RBFOX3: variants seen among roughly 807,000 people sequenced by gnomAD.
RBFOX3 encodes RNA binding fox-1 homolog 3.
RBFOX3 carries 17 observed loss-of-function variants against 48.7 expected under a neutral mutation model. The observed-to-expected ratio is 0.35, with a 90% confidence interval of 0.24 to 0.52. The LOEUF is 0.52. Ranked by LOEUF, RBFOX3 falls within the 20% of genes least tolerant of loss-of-function variation. The pLI is 0.94. For missense variants in RBFOX3, 382 were observed against 497.5 expected (o/e 0.77, Z 2.21); for synonymous variants, 212 against 209.5 (o/e 1.01, Z -0.10).
chr17:79,432,984 C>G (rs569723126), intron 2 of RBFOX3, among the ~76,000 whole-genome samples: 1 of 152,156 alleles, frequency 6.6e-6, no homozygotes, highest in Non-Finnish European at 1.5e-5. Flanking sequence ...TCCCCCTACC[C>G]CAGCATTAAT....
chr17:79,620,300 C>T, the RBFOX3 span, among the ~76,000 whole-genome samples: 623 of 151,774 alleles, frequency 4.1e-3, 14 homozygotes, highest in East Asian at 0.056. Flanking sequence ...CACGCACACA[C>T]GCACATGCAC....
At chr17:79,240,559 A>T (rs1284802684) in intron 3 of RBFOX3, among the ~76,000 whole-genome samples, 1 of 152,182 alleles carries the variant, frequency 6.6e-6, no homozygotes, top group Non-Finnish European at 1.5e-5. Flanking sequence ...TACATCATTG[A>T]CCTCACGTCA....
intron 2 of RBFOX3, among the ~76,000 whole-genome samples, chr17:79,462,846 GAC>G (rs2075560009): frequency 6.6e-6 from 1 of 152,160 alleles, no homozygotes; most frequent in Admixed American, 6.5e-5. Context: ...CTCCAGCCCA[GAC>G]ACAGCGGTTA....
chr17:79,218,419 C>A (rs1327540307), intron 4 of RBFOX3, among the ~76,000 whole-genome samples: 1 of 152,204 alleles, frequency 6.6e-6, no homozygotes, highest in East Asian at 1.9e-4. Context: ...AGAGGCTCCC[C>A]GATCAGGTTC....
At chr17:79,251,179 C>T (rs531067104) in intron 3 of RBFOX3, among the ~76,000 whole-genome samples, 196 of 152,244 alleles carry the variant, frequency 1.3e-3, no homozygotes, top group Non-Finnish European at 2.1e-3. Flanking sequence ...CCTAGCCACA[C>T]ACCCTGGATG....
chr17:79,206,942 C>A (rs2057586334), intron 4 of RBFOX3, among the ~76,000 whole-genome samples: 1 of 152,222 alleles, frequency 6.6e-6, no homozygotes, highest in African/African-American at 2.4e-5. Flanking sequence ...TTCCCAGCCC[C>A]CTTTCCTTTG....
intron 3 of RBFOX3, among the ~76,000 whole-genome samples, chr17:79,264,425 G>A (rs1349144858): frequency 6.6e-6 from 1 of 150,876 alleles, no homozygotes; most frequent in Non-Finnish European, 1.5e-5. Flanking sequence ...GGCTGTCCTC[G>A]AACTCCTGGG....
chr17:79,620,859 C>G, the RBFOX3 span, among the ~76,000 whole-genome samples: 1 of 152,216 alleles, frequency 6.6e-6, no homozygotes, highest in Non-Finnish European at 1.5e-5. Context: ...GCCCTTGGGA[C>G]CCAGGCTGTC....
At chr17:79,322,020 A>C (rs1428000320) in intron 2 of RBFOX3, among the ~76,000 whole-genome samples, 1 of 152,150 alleles carries the variant, frequency 6.6e-6, no homozygotes, top group Non-Finnish European at 1.5e-5. Flanking sequence ...TCTGGATTCT[A>C]ATGCAGGAGC....
chr17:79,378,282 G>T (rs1331940805), intron 2 of RBFOX3, among the ~76,000 whole-genome samples: 2 of 152,116 alleles, frequency 1.3e-5, no homozygotes, highest in African/African-American at 4.8e-5. Flanking sequence ...TCTCCTAGAA[G>T]AGTCCAAGAG....
chr17:79,149,273 G>A (rs1357108353), intron 4 of RBFOX3, among the ~76,000 whole-genome samples: 1 of 152,192 alleles, frequency 6.6e-6, no homozygotes, highest in African/African-American at 2.4e-5. Flanking sequence ...TAGAGCGTGG[G>A]AGGCAGCATC....
rs1025210169 is a variant in RBFOX3 at position 79,482,824 on chromosome 17, A to T, written c.-319-226T>A. ...AACTTGCAGAAAACACATCATTAGG[A>T]CCCTATTGCCAAACAGCCACCGTGC... is the stretch of plus-strand genomic sequence containing the variant. On this transcript the variant is annotated intron_variant, in intron 1 of 14. Transcript: ENST00000693108. This position sits in a 1 kb window ranked among gnomAD's most constrained non-coding sequence, Gnocchi z 4.1. 6.6e-6 allele frequency among the ~76,000 whole-genome samples: 1 copy of T among 151,470 alleles called. No homozygotes were observed. The highest frequency in any genetic ancestry group is 2.4e-5 in the African/African-American group (1 of 41,152).
intron 4 of RBFOX3, among the ~76,000 whole-genome samples, chr17:79,166,213 A>G (rs1311033797): frequency 2.0e-5 from 3 of 152,034 alleles, no homozygotes; most frequent in Admixed American, 2.0e-4. Flanking sequence ...TGCAACTCCA[A>G]GCAAACACCA....
chr17:79,558,329 C>T (rs2091931147), intron 1 of RBFOX3, among the ~76,000 whole-genome samples: 1 of 152,174 alleles, frequency 6.6e-6, no homozygotes, highest in African/African-American at 2.4e-5. Context: ...GAGTGAGAGC[C>T]AGGATCTCCC....
Position 79,271,159 on chromosome 17 carries a change from T to A in RBFOX3, c.-73-35354A>T, listed in dbSNP as rs550217674. Among the ~76,000 whole-genome samples, 39 of 151,956 alleles carry A rather than the reference T, an allele frequency of 2.6e-4. No individual in the cohort carries two copies. The South Asian group carries it at 7.7e-3, about 30-fold the overall frequency. On this transcript the variant is annotated intron_variant, in intron 3 of 14. Coordinates refer to ENST00000693108, the MANE Select transcript of RBFOX3 (RefSeq NM_001350451.2). The stretch of plus-strand genomic sequence containing the variant: ...GGTGCGATCTCGGCTCACTGCAACC[T>A]CTGCCTCCCGGGTTCAAGCGATTCT...
At chr17:79,169,268 G>C (rs923142830) in intron 4 of RBFOX3, among the ~76,000 whole-genome samples, 10 of 152,164 alleles carry the variant, frequency 6.6e-5, no homozygotes, top group African/African-American at 2.4e-4. Context: ...GGAGGGGCTG[G>C]GTTTTTCTTT....
the RBFOX3 span, among the ~76,000 whole-genome samples, chr17:79,653,169 C>G: frequency 6.6e-6 from 1 of 152,134 alleles, no homozygotes; most frequent in Non-Finnish European, 1.5e-5. Flanking sequence ...TAAGGCCAAG[C>G]AGTAAACAAA....
Position 79,473,926 on chromosome 17 carries a change from C to A in RBFOX3, c.-175+8528G>T, listed in dbSNP as rs970788327. On this transcript the variant is annotated intron_variant, in intron 2 of 14. Transcript: ENST00000693108. This position sits in a 1 kb window ranked among gnomAD's most constrained non-coding sequence, Gnocchi z 4.2. ...TTTTCCTTCCTCAGGCATTTGCTGA[C>A]GCTCCTTTTCTGTTCTTTCCCCCAC... is the stretch of plus-strand genomic sequence containing the variant. Among the ~76,000 whole-genome samples the A allele has an allele frequency of 1.3e-5, 2 of 152,270 alleles. No individual in the cohort carries two copies. The highest frequency in any genetic ancestry group is 3.9e-4 in the East Asian group (2 of 5,186).
intron 4 of RBFOX3, among the ~76,000 whole-genome samples, chr17:79,218,236 T>TG: frequency 6.8e-6 from 1 of 146,922 alleles, no homozygotes; most frequent in Non-Finnish European, 1.5e-5. Flanking sequence ...GGTTCGGACT[T>TG]GGGGGGTGGC....
Sources: gnomAD v4.1 joint callset for allele counts (sites outside exome capture counted in the v4.1 genomes callset) on GRCh38, gnomAD v4.1.1 for gene constraint, Gnocchi (gnomAD v3.1) non-coding constraint, MANE v1.5 for transcripts, NCBI Gene and HGNC (gene_info 2026-07-23, HGNC 2026-07-21) for gene names.